KCNIP1: variants seen among roughly 807,000 people sequenced by gnomAD.
KCNIP1 encodes potassium voltage-gated channel interacting protein 1.
Under a neutral mutation model 33.0 loss-of-function variants are expected in KCNIP1, and 18 were observed. The ratio of observed to expected loss-of-function variants is 0.55; its 90% CI spans 0.38 to 0.81. KCNIP1 has a LOEUF of 0.81. Among genes scored for constraint, KCNIP1 ranks in the 30% least tolerant of loss-of-function variants. The pLI is 0.00. For synonymous variants in KCNIP1, 93 were observed against 98.3 expected, an observed-to-expected ratio of 0.95 and a Z score of 0.32; for missense variants, 238 against 271.6, an observed-to-expected ratio of 0.88 and a Z score of 0.87.
intron 1 of KCNIP1, among the ~76,000 whole-genome samples, chr5:170,430,161 G>C (rs948088014): frequency 1.3e-5 from 2 of 152,224 alleles, no homozygotes; most frequent in African/African-American, 4.8e-5. Context: ...CATCAGTTAA[G>C]CCTGTGGACA....
chr5:170,701,308 T>G (rs1321038940), intron 1 of KCNIP1, among the ~76,000 whole-genome samples: 1 of 152,194 alleles, frequency 6.6e-6, no homozygotes, highest in Non-Finnish European at 1.5e-5. Context: ...TGATCCAACT[T>G]AAGCTTTATG....
At chr5:170,476,917 C>T (rs941228923) in intron 1 of KCNIP1, among the ~76,000 whole-genome samples, 1 of 152,160 alleles carries the variant, frequency 6.6e-6, no homozygotes, top group African/African-American at 2.4e-5. Context: ...AAATGGCCTT[C>T]CCTACAAGAC....
Position 170,372,406 on chromosome 5 carries a change from A to T in KCNIP1, c.88+18442A>T, listed in dbSNP as rs73800637. On this transcript the variant is annotated intron_variant, in intron 1 of 7. Coordinates refer to the KCNIP1 transcript ENST00000377360. Reference sequence around the variant, plus strand: ...TTTATGAAGATTTCACTACATAGGCATGATTGTTAAACCACTGGCCATTGG... The same window carrying T: ...TTTATGAAGATTTCACTACATAGGCTTGATTGTTAAACCACTGGCCATTGG... Among the ~76,000 whole-genome samples the T allele has an allele frequency of 6.5e-3, 992 of 152,216 alleles. 8 individuals are homozygous for T. Among genetic ancestry groups the T allele is most frequent in the African/African-American group, 0.023 (946 of 41,526 alleles).
intron 1 of KCNIP1, among the ~76,000 whole-genome samples, chr5:170,603,446 TG>T (rs1366211519): frequency 5.9e-5 from 9 of 152,294 alleles, no homozygotes; most frequent in African/African-American, 1.4e-4. Context: ...TCCTGCTGTG[TG>T]GCAGGCCCTG....
chr5:170,625,785 G>GA (rs1465579613), intron 1 of KCNIP1, among the ~76,000 whole-genome samples: 3 of 152,166 alleles, frequency 2.0e-5, no homozygotes, highest in Admixed American at 6.5e-5. Context: ...ATGATTTCAG[G>GA]AGTGCAAAGT....
intron 1 of KCNIP1, among the ~76,000 whole-genome samples, chr5:170,617,324 G>A (rs760111348): frequency 4.6e-5 from 7 of 151,904 alleles, no homozygotes; most frequent in Admixed American, 6.6e-5. Context: ...CAAAAAGGCC[G>A]GATAAGCAAG....
chr5:170,714,809 C>T (rs1312461083), intron 1 of KCNIP1, among the ~76,000 whole-genome samples: 7 of 151,190 alleles, frequency 4.6e-5, no homozygotes, highest in Admixed American at 4.6e-4. Context: ...AGCGTTATCA[C>T]AAAAGAGTCC....
intron 3 of KCNIP1, 27 bp downstream of exon 3, chr5:170,720,417 G>T: frequency 2.6e-6 from 4 of 1,559,674 alleles, no homozygotes; most frequent in Non-Finnish European, 3.5e-6. Context: ...AATCTATCTT[G>T]CCCAGCTCCC....
upstream of KCNIP1, among the ~76,000 whole-genome samples, chr5:170,500,840 T>A (rs1404006670): frequency 6.6e-6 from 1 of 152,208 alleles, no homozygotes; most frequent in Non-Finnish European, 1.5e-5. Context: ...GGTAGATACA[T>A]GAATGAATGA....
At chr5:170,439,044 G>A (rs1246576708) in intron 1 of KCNIP1, among the ~76,000 whole-genome samples, 2 of 152,146 alleles carry the variant, frequency 1.3e-5, no homozygotes, top group Non-Finnish European at 2.9e-5. Flanking sequence ...TATCAACTTA[G>A]ATCCTAGTGG....
At chr5:170,570,929 TG>T (rs1350760741) in intron 1 of KCNIP1, among the ~76,000 whole-genome samples, 1 of 152,238 alleles carries the variant, frequency 6.6e-6, no homozygotes, top group Non-Finnish European at 1.5e-5. Context: ...CCTGGAGGTA[TG>T]TGTCATTATC....
At chr5:170,547,367 CTTTTT>C (rs1244644508) in intron 1 of KCNIP1, among the ~76,000 whole-genome samples, 4 of 152,072 alleles carry the variant, frequency 2.6e-5, no homozygotes, top group Non-Finnish European at 5.9e-5. Context: ...TTAAAATTTC[CTTTTT>C]TTAACTTTTA....
chr5:170,388,299 A>G (rs751230934), intron 1 of KCNIP1, among the ~76,000 whole-genome samples: 3 of 152,236 alleles, frequency 2.0e-5, no homozygotes, highest in Non-Finnish European at 4.4e-5. Flanking sequence ...CGTGGGGTTC[A>G]GTGTAGATAT....
intron 1 of KCNIP1, among the ~76,000 whole-genome samples, chr5:170,390,539 T>TATATATATATATA (rs1581143220): frequency 1.5e-5 from 2 of 133,738 alleles, no homozygotes; most frequent in Admixed American, 7.7e-5. Context: ...TATATATATA[T>TATATATATATATA]TTTCAACAAA....
chr5:170,390,245 C>T (rs559801588), intron 1 of KCNIP1, among the ~76,000 whole-genome samples: 1 of 152,186 alleles, frequency 6.6e-6, no homozygotes, highest in South Asian at 2.1e-4. Flanking sequence ...GTGGCCCACG[C>T]CCATAATCCC....
intron 1 of KCNIP1, among the ~76,000 whole-genome samples, chr5:170,714,682 A>T (rs1028985156): frequency 1.3e-5 from 2 of 152,360 alleles, no homozygotes; most frequent in Admixed American, 1.3e-4. Flanking sequence ...TTTTAAAAAA[A>T]GGGTTTTAAA....
intron 1 of KCNIP1, among the ~76,000 whole-genome samples, chr5:170,403,365 C>T (rs1204795812): frequency 6.6e-6 from 1 of 152,188 alleles, no homozygotes; most frequent in African/African-American, 2.4e-5. Context: ...GAATTGTGAA[C>T]ATGATCTTCT....
chr5:170,587,683 G>T (rs1003178456), intron 1 of KCNIP1, among the ~76,000 whole-genome samples: 1 of 152,156 alleles, frequency 6.6e-6, no homozygotes, highest in Admixed American at 6.6e-5. Flanking sequence ...GCCTTCCTCT[G>T]ACCCTGAGCC....
At chr5:170,402,167 G>A (rs1581157169) in intron 1 of KCNIP1, among the ~76,000 whole-genome samples, 1 of 152,286 alleles carries the variant, frequency 6.6e-6, no homozygotes, top group Admixed American at 6.5e-5. Flanking sequence ...GGCCCACCCA[G>A]GTAATCAAAG....
Sources: allele counts gnomAD v4.1 joint callset (sites outside exome capture counted in the v4.1 genomes callset), GRCh38; gene constraint gnomAD v4.1.1; transcripts MANE v1.5; gene names NCBI Gene and HGNC (gene_info 2026-07-23, HGNC 2026-07-21).